KIFAP3: variants seen among roughly 807,000 people sequenced by gnomAD.
The protein encoded by KIFAP3 is kinesin associated protein 3.
Under a neutral mutation model 106.5 loss-of-function variants are expected in KIFAP3, and 68 were observed. That is an observed-to-expected ratio of 0.64 (90% CI 0.53 to 0.78). The LOEUF (loss-of-function observed/expected upper bound fraction) is 0.78. KIFAP3 is among the 30% of genes least tolerant of loss of function. KIFAP3 has a pLI of 0.00. For synonymous variants in KIFAP3, 320 were observed against 311.5 expected (o/e 1.03, Z -0.29); for missense variants, 780 against 941.8 (o/e 0.83, Z 2.25).
chr1:169,947,678 G>C (rs1430146947), intron 19 of KIFAP3, among the ~76,000 whole-genome samples: 1 of 151,736 alleles, frequency 6.6e-6, no homozygotes, highest in African/African-American at 2.4e-5. Context: ...TAAATGGATT[G>C]AGCAAATATT....
At chr1:170,052,785 T>C (rs556536055) in intron 2 of KIFAP3, among the ~76,000 whole-genome samples, 2 of 152,176 alleles carry the variant, frequency 1.3e-5, no homozygotes, top group Non-Finnish European at 2.9e-5. Flanking sequence ...TTCGAAAAAA[T>C]TCAACATCTT....
In KIFAP3 at chr1:169,921,861, T is replaced by A. The variant is rs868012477; in HGVS notation, c.2274-80A>T. On this transcript the variant is annotated intron_variant, in intron 19 of 19. Coordinates refer to ENST00000361580, the MANE Select transcript of KIFAP3 (RefSeq NM_014970.4). ...GCAGATTAAGAGGCCTACATTTTTA[T>A]ACCACCAAGATTCTCTTCCTAGCAG... The A allele has an allele frequency of 6.1e-5, 61 of 1,000,674 alleles. No individual in the cohort carries two copies. The Middle Eastern group carries it at 1.2e-3, about 20-fold the overall frequency. The allele number at this position is 1,000,674 out of a possible 1,614,324, so 62.0% of individuals were successfully genotyped here. A position where few individuals can be genotyped will look rare whatever the true frequency, so the allele number is the denominator to read the frequency against.
chr1:170,077,804 T>C (rs991951764), upstream of KIFAP3, among the ~76,000 whole-genome samples: 2 of 152,204 alleles, frequency 1.3e-5, no homozygotes, highest in African/African-American at 2.4e-5. Flanking sequence ...AATGTAATGA[T>C]AGGCGCTGTA....
intron 19 of KIFAP3, among the ~76,000 whole-genome samples, chr1:169,930,278 G>A (rs1394998310): frequency 6.6e-6 from 1 of 152,130 alleles, no homozygotes; most frequent in African/African-American, 2.4e-5. Context: ...TGCTGTTAGA[G>A]CGCTTGTCGT....
chr1:169,924,345 G>A (rs547282433), intron 19 of KIFAP3, among the ~76,000 whole-genome samples: 1 of 152,190 alleles, frequency 6.6e-6, no homozygotes, highest in East Asian at 1.9e-4. Flanking sequence ...CAGTGTAGAG[G>A]ATATCATTTA....
In KIFAP3 at chr1:170,065,847, G is replaced by A. The variant is rs181871972; in HGVS notation, c.32+8589C>T. ...CAGTGGCTATGTATTTGATGATGCA[G>A]CTGTAAGTCATTTCCATCAGGGAAG... On this transcript the variant is annotated intron_variant, in intron 1 of 19. Transcript: ENST00000361580. Among the ~76,000 whole-genome samples the A allele has an allele frequency of 2.0e-3, 297 of 152,230 alleles. 2 individuals carry two copies. The highest frequency in any genetic ancestry group is 4.7e-4 in the Non-Finnish European group (32 of 68,008).
At chr1:169,987,370 T>C (rs1346779053) in intron 11 of KIFAP3, among the ~76,000 whole-genome samples, 1 of 152,018 alleles carries the variant, frequency 6.6e-6, no homozygotes, top group Non-Finnish European at 1.5e-5. Context: ...CTGAAATCAC[T>C]GTGTCTAGAC....
At chr1:170,066,180 C>T (rs1237473290) in intron 1 of KIFAP3, among the ~76,000 whole-genome samples, 3 of 149,984 alleles carry the variant, frequency 2.0e-5, no homozygotes, top group Admixed American at 6.6e-5. Flanking sequence ...CCTACACCCC[C>T]CCCCCCATTC....
intron 14 of KIFAP3, among the ~76,000 whole-genome samples, chr1:169,982,448 TA>T: frequency 6.6e-6 from 1 of 151,482 alleles, no homozygotes; most frequent in East Asian, 1.9e-4. Flanking sequence ...AGAGACAGAA[TA>T]AAAAAATACC....
chr1:170,066,079 T>A (rs1378053724), intron 1 of KIFAP3, among the ~76,000 whole-genome samples: 2 of 152,152 alleles, frequency 1.3e-5, no homozygotes, highest in Admixed American at 6.5e-5. Flanking sequence ...TGGTGGTTGC[T>A]TTAGGAAAAA....
chr1:170,022,501 T>C (rs1409118542), intron 9 of KIFAP3, among the ~76,000 whole-genome samples: 3 of 152,146 alleles, frequency 2.0e-5, no homozygotes, highest in African/African-American at 4.8e-5. Flanking sequence ...AGTATCTCTC[T>C]AGATACTCTA....
intron 8 of KIFAP3, among the ~76,000 whole-genome samples, chr1:170,028,725 A>C (rs943902884): frequency 3.9e-5 from 6 of 152,218 alleles, no homozygotes; most frequent in Admixed American, 6.5e-5. Flanking sequence ...TTGCAACACT[A>C]AGCATGAAAT....
At chr1:170,046,946 G>C (rs1670289640) in intron 2 of KIFAP3, 80 bp from the exon 3 acceptor site, 2 of 747,856 alleles carry the variant, frequency 2.7e-6, no homozygotes, top group African/African-American at 1.8e-5. Context: ...ATAATTTATA[G>C]ATTATAAATT....
intron 19 of KIFAP3, among the ~76,000 whole-genome samples, chr1:169,932,500 A>G (rs1199265341): frequency 1.3e-5 from 2 of 152,158 alleles, no homozygotes; most frequent in African/African-American, 4.8e-5. Flanking sequence ...AAAATGGAAT[A>G]TAAAATTATC....
At chr1:169,959,140 A>G (rs1275017660) in intron 18 of KIFAP3, among the ~76,000 whole-genome samples, 1 of 152,204 alleles carries the variant, frequency 6.6e-6, no homozygotes, top group Admixed American at 6.5e-5. Flanking sequence ...AGGGAGACGC[A>G]GAGGCTTAAA....
chr1:170,028,067 A>G (rs1669207854), intron 8 of KIFAP3, among the ~76,000 whole-genome samples: 1 of 152,174 alleles, frequency 6.6e-6, no homozygotes, highest in African/African-American at 2.4e-5. Flanking sequence ...TATTTCAAAA[A>G]GATAAAAATA....
At chr1:170,070,272 C>CT (rs1481375785) in intron 1 of KIFAP3, among the ~76,000 whole-genome samples, 4 of 151,888 alleles carry the variant, frequency 2.6e-5, no homozygotes, top group African/African-American at 9.7e-5. Flanking sequence ...GTTTCAATAG[C>CT]TTTTTTTGCA....
chr1:169,946,719 G>A (rs1314631252), intron 19 of KIFAP3, among the ~76,000 whole-genome samples: 1 of 151,938 alleles, frequency 6.6e-6, no homozygotes, highest in Non-Finnish European at 1.5e-5. Context: ...CAAGATAAAT[G>A]TAACTTATTA....
chr1:170,014,527 GA>G (rs1450193788), intron 10 of KIFAP3, among the ~76,000 whole-genome samples: 1 of 152,068 alleles, frequency 6.6e-6, no homozygotes, highest in Non-Finnish European at 1.5e-5. Flanking sequence ...CATTTCAAAT[GA>G]AATCTTATCT....
Sources: allele counts gnomAD v4.1 joint callset (sites outside exome capture counted in the v4.1 genomes callset), GRCh38; gene constraint gnomAD v4.1.1; transcripts MANE v1.5; gene names NCBI Gene and HGNC (gene_info 2026-07-23, HGNC 2026-07-21).